The following EXOC4 variants were observed in gnomAD, a reference collection of about 807,000 sequenced individuals.
EXOC4 encodes the protein exocyst complex component 4.
EXOC4 carries 71 observed loss-of-function variants against 107.2 expected under a neutral mutation model. That is an observed-to-expected ratio of 0.66 (90% CI 0.55 to 0.81). The LOEUF (loss-of-function observed/expected upper bound fraction) is 0.81, where lower values mean the gene tolerates loss of function less well. Ranked by LOEUF, EXOC4 falls within the 30% of genes least tolerant of loss-of-function variation. EXOC4 has a pLI of 0.00. For missense variants in EXOC4, 1,108 were observed against 1,189.6 expected (o/e 0.93, Z 1.01); for synonymous variants, 456 against 441.2 (o/e 1.03, Z -0.42).
At chr7:133,501,953 G>T (rs1182454017) in intron 9 of EXOC4, among the ~76,000 whole-genome samples, 1 of 152,138 alleles carries the variant, frequency 6.6e-6, no homozygotes, top group Non-Finnish European at 1.5e-5. Flanking sequence ...TCAAGGAGGG[G>T]TTATTAAAAC....
chr7:133,730,827 A>C (rs2151116705), intron 10 of EXOC4, among the ~76,000 whole-genome samples: 1 of 152,302 alleles, frequency 6.6e-6, no homozygotes, highest in South Asian at 2.1e-4. Flanking sequence ...AACTTGCAAT[A>C]ACAGATAAAC....
At chr7:133,975,197 A>G (rs1334235344) in intron 14 of EXOC4, among the ~76,000 whole-genome samples, 3 of 152,212 alleles carry the variant, frequency 2.0e-5, no homozygotes, top group Non-Finnish European at 1.5e-5. Context: ...AGCAAGTGAT[A>G]TTTTCATAAA....
intron 3 of EXOC4, among the ~76,000 whole-genome samples, chr7:133,299,963 TTGAGCTGA>T (rs1488719590): frequency 1.3e-5 from 2 of 152,032 alleles, no homozygotes; most frequent in Non-Finnish European, 2.9e-5. Flanking sequence ...AACCCCTCAT[TTGAGCTGA>T]TGAAGGTTTA....
At chr7:133,266,033 G>A (rs1376725742) in intron 1 of EXOC4, among the ~76,000 whole-genome samples, 1 of 152,174 alleles carries the variant, frequency 6.6e-6, no homozygotes, top group African/African-American at 2.4e-5. Context: ...TGCTTGGGCT[G>A]CCATAACAAA....
intron 9 of EXOC4, among the ~76,000 whole-genome samples, chr7:133,568,380 T>C (rs1800951669): frequency 6.6e-6 from 1 of 152,160 alleles, no homozygotes. Flanking sequence ...TATAACAAAC[T>C]TTTCTTCGAT....
intron 11 of EXOC4, among the ~76,000 whole-genome samples, chr7:133,824,519 C>T (rs1295775355): frequency 6.6e-6 from 1 of 152,126 alleles, no homozygotes; most frequent in Non-Finnish European, 1.5e-5. Context: ...GTCAGCTGGC[C>T]ATTTATTAGC....
chr7:133,898,608 G>C (rs575312788), intron 12 of EXOC4, among the ~76,000 whole-genome samples: 1 of 151,954 alleles, frequency 6.6e-6, no homozygotes, highest in South Asian at 2.1e-4. Context: ...TTAGCCGGGC[G>C]TGGTGGCAGC....
chr7:133,537,030 A>G (rs924970868), intron 9 of EXOC4, among the ~76,000 whole-genome samples: 2 of 152,168 alleles, frequency 1.3e-5, no homozygotes, highest in Non-Finnish European at 2.9e-5. Flanking sequence ...CTAAAAGGAG[A>G]GAATGGCTAT....
chr7:133,947,289 C>T (rs1800576425), intron 14 of EXOC4, among the ~76,000 whole-genome samples: 1 of 152,170 alleles, frequency 6.6e-6, no homozygotes. Flanking sequence ...GGGTCTTCCC[C>T]TTCCTCCTGC....
chr7:134,055,064 C>A (rs1381563823), intron 17 of EXOC4, among the ~76,000 whole-genome samples: 1 of 152,164 alleles, frequency 6.6e-6, no homozygotes, highest in Non-Finnish European at 1.5e-5. Context: ...GCCACTGGGA[C>A]CTGCTGATTT....
chr7:133,389,167 T>C (rs1023523149), intron 7 of EXOC4, among the ~76,000 whole-genome samples: 21 of 152,140 alleles, frequency 1.4e-4, no homozygotes, highest in Middle Eastern at 6.8e-3. Flanking sequence ...GTTCAATCAG[T>C]GCAGGAAGGA....
Position 133,803,191 on chromosome 7 carries a change from A to G in EXOC4, c.1515-14134A>G, listed in dbSNP as rs1377559066. Among the ~76,000 whole-genome samples, 3 of 152,172 alleles carry G rather than the reference A, an allele frequency of 2.0e-5. No homozygotes were observed. In the East Asian group the frequency reaches 5.8e-4, roughly 29 times the overall value. ...CATGATGGCTGGAAATTTTTTCGCA[A>G]GTTTTATCTGAGCCAGAGTAGTTTT... On this transcript the variant is annotated intron_variant, in intron 10 of 17. Coordinates refer to ENST00000253861, the MANE Select transcript of EXOC4 (RefSeq NM_021807.4).
At chr7:133,920,515 T>C (rs1453078992) in intron 13 of EXOC4, among the ~76,000 whole-genome samples, 1 of 152,196 alleles carries the variant, frequency 6.6e-6, no homozygotes, top group African/African-American at 2.4e-5. Flanking sequence ...TTATAACTAA[T>C]CCAAGTCTGC....
intron 14 of EXOC4, among the ~76,000 whole-genome samples, chr7:133,955,367 G>T (rs1334866571): frequency 6.6e-6 from 1 of 152,178 alleles, no homozygotes; most frequent in African/African-American, 2.4e-5. Flanking sequence ...TCTGCAGCTG[G>T]TTGTCCCGTC....
At position 134,065,305 on chromosome 7, in the gene EXOC4, C is replaced by T. The variant is rs1796157453; in HGVS notation, c.*777C>T. 6.6e-6 allele frequency: 1 copy of T among 151,988 alleles called. No individual in the cohort carries two copies. Among genetic ancestry groups the T allele is most frequent in the African/African-American group, 2.4e-5 (1 of 41,400 alleles). 9.4% of individuals were successfully genotyped at this position (151,988 alleles called of 1,614,324 possible). On this transcript the variant is annotated 3_prime_UTR_variant, in exon 18 of 18. Transcript: ENST00000253861. ...ATTCCCGCCCCGCCACCCCTAATTT[C>T]TGAGAGAATAATGGTTAGAGAACAT...
At chr7:133,921,607 G>T (rs2116653379) in intron 13 of EXOC4, among the ~76,000 whole-genome samples, 1 of 151,880 alleles carries the variant, frequency 6.6e-6, no homozygotes, top group Non-Finnish European at 1.5e-5. Flanking sequence ...TTTCTTTAAA[G>T]ATTTTTTTTG....
intron 7 of EXOC4, among the ~76,000 whole-genome samples, chr7:133,455,921 CTG>C (rs1393797319): frequency 2.0e-5 from 3 of 152,120 alleles, no homozygotes; most frequent in African/African-American, 7.2e-5. Flanking sequence ...TATTTATTAA[CTG>C]AGAATTATTG....
At chr7:133,276,036 G>GT (rs1341770885) in intron 2 of EXOC4, among the ~76,000 whole-genome samples, 1 of 151,998 alleles carries the variant, frequency 6.6e-6, no homozygotes, top group African/African-American at 2.4e-5. Context: ...TTATTTTGTA[G>GT]TTTTCATGTT....
chr7:133,525,244 G>A lies in EXOC4; in HGVS notation c.1417+45106G>A, dbSNP rs576455990. On this transcript the variant is annotated intron_variant, in intron 9 of 17. Transcript: ENST00000253861. ...ATATCACTGAGCTGCCTTTTTCTTA[G>A]AATAGCCACTGCTGGTAGGCTAATA... 2.6e-5 allele frequency among the ~76,000 whole-genome samples: 4 copies of A among 152,250 alleles called. No individual in the cohort carries two copies. The South Asian group carries it at 8.3e-4, about 32-fold the overall frequency.
Sources: allele counts gnomAD v4.1 joint callset (sites outside exome capture counted in the v4.1 genomes callset), GRCh38; gene constraint gnomAD v4.1.1; transcripts MANE v1.5; gene names NCBI Gene and HGNC (gene_info 2026-07-23, HGNC 2026-07-21).